NRXN1: variants seen among roughly 807,000 people sequenced by gnomAD.
NRXN1 encodes the protein neurexin-1.
A neutral mutation model predicts 150.9 loss-of-function variants in NRXN1; 39 were observed. The observed-to-expected ratio is 0.26, with a 90% CI of 0.20 to 0.34. The LOEUF is 0.34. Among genes scored for constraint, NRXN1 ranks in the 10% least tolerant of loss-of-function variants. The probability of loss-of-function intolerance (pLI) is 1.00; values close to 1 mark genes in which losing one functional copy is unlikely to be tolerated. For missense variants in NRXN1, 1,815 were observed against 1,949.9 expected (o/e 0.93, Z 1.30); for synonymous variants, 924 against 757.0 (o/e 1.22, Z -3.62).
intron 22 of NRXN1, among the ~76,000 whole-genome samples, chr2:49,939,587 C>G (rs1470636721): frequency 6.6e-6 from 1 of 152,184 alleles, no homozygotes; most frequent in Non-Finnish European, 1.5e-5. Flanking sequence ...TGACCCTGAT[C>G]TAGTTTTAAC....
intron 8 of NRXN1, among the ~76,000 whole-genome samples, chr2:50,582,248 T>G (rs565561382): frequency 7.5e-4 from 114 of 152,100 alleles, no homozygotes; most frequent in African/African-American, 2.7e-3. Context: ...AAAATTACTT[T>G]GCAGGGCACA....
chr2:50,234,394 T>C (rs1007614134), intron 18 of NRXN1, among the ~76,000 whole-genome samples: 10 of 152,000 alleles, frequency 6.6e-5, no homozygotes, highest in Admixed American at 1.3e-4. Flanking sequence ...TTTGGGAGGC[T>C]GAGGCAGGAG....
At chr2:50,910,582 C>A (rs1314756480) in intron 5 of NRXN1, among the ~76,000 whole-genome samples, 2 of 151,820 alleles carry the variant, frequency 1.3e-5, no homozygotes, top group Non-Finnish European at 2.9e-5. Context: ...CAAGCTCTAC[C>A]CTTAATTCAA....
intron 5 of NRXN1, among the ~76,000 whole-genome samples, chr2:50,896,511 G>C (rs565804939): frequency 6.6e-6 from 1 of 152,272 alleles, no homozygotes; most frequent in African/African-American, 2.4e-5. Flanking sequence ...GGGATTGGGA[G>C]GGTGGGAGAC....
chr2:49,954,603 C>T (rs868299207), intron 21 of NRXN1, among the ~76,000 whole-genome samples: 3 of 152,264 alleles, frequency 2.0e-5, no homozygotes, highest in South Asian at 4.1e-4. Flanking sequence ...GAGAGAAAGA[C>T]TGAATCTCTA....
At chr2:50,282,295 T>C (rs1213504561) in intron 17 of NRXN1, among the ~76,000 whole-genome samples, 1 of 152,166 alleles carries the variant, frequency 6.6e-6, no homozygotes, top group Non-Finnish European at 1.5e-5. Context: ...TTCTATTTAA[T>C]TTTAGGCAGG....
chr2:50,302,975 A>C (rs2074301456), intron 17 of NRXN1, among the ~76,000 whole-genome samples: 1 of 152,152 alleles, frequency 6.6e-6, no homozygotes, highest in Non-Finnish European at 1.5e-5. Context: ...CCATCAACGC[A>C]TACATAGATA....
At chr2:50,916,328 C>A (rs1236184311) in intron 5 of NRXN1, among the ~76,000 whole-genome samples, 1 of 151,130 alleles carries the variant, frequency 6.6e-6, no homozygotes, top group Non-Finnish European at 1.5e-5. Context: ...ATATTCTTCT[C>A]TGCTCCAAAA....
chr2:49,989,532 T>G (rs931594503), intron 21 of NRXN1, among the ~76,000 whole-genome samples: 1 of 152,144 alleles, frequency 6.6e-6, no homozygotes, highest in African/African-American at 2.4e-5. Flanking sequence ...TTATTAATTG[T>G]TGTAGCAAGG....
intron 10 of NRXN1, among the ~76,000 whole-genome samples, chr2:50,535,374 T>C (rs1432463070): frequency 6.6e-6 from 1 of 152,246 alleles, no homozygotes; most frequent in Non-Finnish European, 1.5e-5. Flanking sequence ...TTCTACATTA[T>C]TCTTTGTTGC....
chr2:50,773,171 T>A (rs1703212127), intron 5 of NRXN1, among the ~76,000 whole-genome samples: 1 of 152,128 alleles, frequency 6.6e-6, no homozygotes, highest in Non-Finnish European at 1.5e-5. Flanking sequence ...TTTCAATCTG[T>A]CTCATCTCCA....
At chr2:50,540,374 C>T (rs1425343417) in intron 9 of NRXN1, among the ~76,000 whole-genome samples, 1 of 152,134 alleles carries the variant, frequency 6.6e-6, no homozygotes, top group Non-Finnish European at 1.5e-5. Context: ...TAAAGCATGG[C>T]ATTTTGGGGA....
At chr2:50,219,400 A>G (rs1008846647) in intron 18 of NRXN1, among the ~76,000 whole-genome samples, 19 of 151,740 alleles carry the variant, frequency 1.3e-4, no homozygotes, top group African/African-American at 4.6e-4. Context: ...GAACATGAGA[A>G]GTTTACCAAA....
intron 2 of NRXN1, among the ~76,000 whole-genome samples, chr2:50,931,558 T>A (rs1416680211): frequency 6.6e-6 from 1 of 152,068 alleles, no homozygotes; most frequent in Non-Finnish European, 1.5e-5. Flanking sequence ...TTTATATTGT[T>A]ATCTTCACTT....
intron 5 of NRXN1, among the ~76,000 whole-genome samples, chr2:50,872,166 C>T (rs72840209): frequency 0.082 from 12,396 of 151,808 alleles, 611 homozygotes; most frequent in Non-Finnish European, 0.11. Context: ...ATATATTTTT[C>T]ATATTTCTTC....
At chr2:50,652,155 T>A (rs1253338502) in intron 5 of NRXN1, among the ~76,000 whole-genome samples, 2 of 152,018 alleles carry the variant, frequency 1.3e-5, no homozygotes, top group Admixed American at 1.3e-4. Flanking sequence ...GCCATCCCCA[T>A]CCCTTTTTGA....
At chr2:50,687,302 T>C (rs1691379965) in intron 5 of NRXN1, among the ~76,000 whole-genome samples, 1 of 152,188 alleles carries the variant, frequency 6.6e-6, no homozygotes, top group African/African-American at 2.4e-5. Context: ...ATAGAAATCT[T>C]CATAAAATAT....
rs760530144 is a variant in NRXN1 at position 50,334,209 on chromosome 2, A to ATATATATATATATATG, written c.3365-97240_3365-97239insCATATATATATATATA. Among the ~76,000 whole-genome samples, 33 of 121,460 alleles carry ATATATATATATATATG rather than the reference A, an allele frequency of 2.7e-4. 2 individuals are homozygous for ATATATATATATATATG. Among genetic ancestry groups the ATATATATATATATATG allele is most frequent in the African/African-American group, 7.9e-4 (18 of 22,874 alleles). The allele number at this position is 121,460 out of a possible 152,430, so 79.7% of individuals were successfully genotyped here. On this transcript the variant is annotated intron_variant, in intron 17 of 22. Transcript: ENST00000401669. The stretch of plus-strand genomic sequence containing the variant: ...CAGGACCAAATATATATATATATAT[A>ATATATATATATATATG]TATGTATGTAGATATTGTTTAACGG...
intron 5 of NRXN1, among the ~76,000 whole-genome samples, chr2:50,915,292 T>C (rs1293546065): frequency 6.6e-6 from 1 of 151,670 alleles, no homozygotes; most frequent in Admixed American, 6.6e-5. Flanking sequence ...CTATATATCA[T>C]TCTGTGAAGT....
Sources: gnomAD v4.1 joint callset for allele counts (sites outside exome capture counted in the v4.1 genomes callset) on GRCh38, gnomAD v4.1.1 for gene constraint, MANE v1.5 for transcripts, NCBI Gene and HGNC (gene_info 2026-07-23, HGNC 2026-07-21) for gene names.